The following NXPH4 variants were observed in gnomAD, a reference collection of about 807,000 sequenced individuals.
NXPH4 encodes the protein neurexophilin 4, also known as neurexophilin-4.
A neutral mutation model predicts 21.3 loss-of-function variants in NXPH4; 8 were observed. That is an observed-to-expected ratio of 0.38 (90% CI 0.22 to 0.68). The LOEUF (loss-of-function observed/expected upper bound fraction) is 0.68, where lower values mean the gene tolerates loss of function less well. Among genes scored for constraint, NXPH4 ranks in the 30% least tolerant of loss-of-function variants. NXPH4 has a pLI of 0.53. For missense variants in NXPH4, 418 were observed against 416.8 expected (o/e 1.00, Z -0.03); for synonymous variants, 219 against 192.6 (o/e 1.14, Z -1.13).
In NXPH4 at chr12:57,224,937, C is replaced by G; in HGVS notation, c.117C>G (p.Ala39=). The change falls in exon 2 of 2, where the codon GCC becomes GCG. Residue 39 remains alanine, a synonymous_variant. Transcript: ENST00000349394. ...GRPQYLGLRP[A]AAGAGAPGQQ... is the part of the protein sequence containing the mutation. ...CGCAGTACCTGGGGCTGCGCCCCGC[C>G]GCGGCCGGAGCGGGTGCCCCCGGCC... is the stretch of plus-strand genomic sequence containing the variant. 1 of 1,381,378 alleles carries G rather than the reference C, an allele frequency of 7.2e-7. No homozygotes were observed. Among genetic ancestry groups the G allele is most frequent in the Non-Finnish European group, 9.4e-7 (1 of 1,059,970 alleles). The allele number at this position is 1,381,378 out of a possible 1,614,324, so 85.6% of individuals were successfully genotyped here. A position where few individuals can be genotyped will look rare whatever the true frequency, so the allele number is the denominator to read the frequency against.
In NXPH4 at chr12:57,225,669, C is replaced by T. The variant is rs1362404734; in HGVS notation, c.849C>T (p.Phe283=). 3 of 1,613,816 alleles carry T rather than the reference C, an allele frequency of 1.9e-6. No individual in the cohort carries two copies. The African/African-American group carries it at 4.0e-5, about 22-fold the overall frequency. ...PFKVICIFVS[F]LSFDYKLVQK... is the part of the protein sequence containing the mutation. ...AAGTCATCTGTATCTTCGTCTCTTT[C>T]CTCAGCTTTGACTACAAACTGGTGC... The change falls in exon 2 of 2, where the codon TTC becomes TTT. Residue 283 remains phenylalanine, a synonymous_variant. Coordinates refer to ENST00000349394, the MANE Select transcript of NXPH4 (RefSeq NM_007224.4).
At chr12:57,220,953 T>G (rs533959300) in intron 1 of NXPH4, among the ~76,000 whole-genome samples, 16 of 151,284 alleles carry the variant, frequency 1.1e-4, no homozygotes, top group Non-Finnish European at 2.4e-4. Flanking sequence ...CCCATGCTGC[T>G]TCCTGGACTG....
Position 57,225,660 on chromosome 12 carries a change from C to CTTTCCTCAGCTTT in NXPH4, c.840_841insTTTCCTCAGCTTT (p.Val281PhefsTer11). The stretch of plus-strand genomic sequence containing the variant: ...AGCCCTTCAAAGTCATCTGTATCTT[C>CTTTCCTCAGCTTT]GTCTCTTTCCTCAGCTTTGACTACA... On this transcript the variant is annotated frameshift_variant, in exon 2 of 2. Transcript: ENST00000349394. LOFTEE classifies it high-confidence loss of function. The CTTTCCTCAGCTTT allele has an allele frequency of 6.2e-7, 1 of 1,613,884 alleles. No individual in the cohort carries two copies. Among genetic ancestry groups the CTTTCCTCAGCTTT allele is most frequent in the East Asian group, 2.2e-5 (1 of 44,882 alleles).
chr12:57,224,009 G>A (rs779512941), intron 1 of NXPH4, among the ~76,000 whole-genome samples: 1 of 152,262 alleles, frequency 6.6e-6, no homozygotes, highest in Non-Finnish European at 1.5e-5. Flanking sequence ...CTGCTCAACT[G>A]GTTCCCAGCA....
Position 57,226,109 on chromosome 12 carries a change from C to G in NXPH4, c.*362C>G. ...TCCCCGCAGCTTTAATAACTCCTGG[C>G]CTGGCACCCTCACCCCACCCTGACT... On this transcript the variant is annotated 3_prime_UTR_variant, in exon 2 of 2. Transcript: ENST00000349394. 2.1e-6 allele frequency: 1 copy of G among 484,316 alleles called. No homozygotes were observed. The highest frequency in any genetic ancestry group is 3.1e-5 in the East Asian group (1 of 31,850). The allele number at this position is 484,316 out of a possible 1,614,324, so 30.0% of individuals were successfully genotyped here. A position where few individuals can be genotyped will look rare whatever the true frequency, so the allele number is the denominator to read the frequency against.
intron 1 of NXPH4, chr12:57,221,434 G>T (rs1391476744): frequency 6.8e-6 from 3 of 442,114 alleles, no homozygotes; most frequent in African/African-American, 4.0e-5. Flanking sequence ...GCGGCTGGGG[G>T]GCTGACAGCC....
chr12:57,222,796 G>C (rs2037104012), intron 1 of NXPH4, among the ~76,000 whole-genome samples: 1 of 152,146 alleles, frequency 6.6e-6, no homozygotes, highest in Non-Finnish European at 1.5e-5. Flanking sequence ...CATTCTTGCT[G>C]CCCCCGCCCC....
intron 1 of NXPH4, among the ~76,000 whole-genome samples, chr12:57,224,253 A>G (rs991776771): frequency 3.3e-5 from 5 of 151,782 alleles, no homozygotes; most frequent in African/African-American, 7.3e-5. Flanking sequence ...AGCCTCCCCA[A>G]TAGCTGGGAC....
At chr12:57,223,063 A>G (rs1239455912) in intron 1 of NXPH4, among the ~76,000 whole-genome samples, 1 of 152,116 alleles carries the variant, frequency 6.6e-6, no homozygotes, top group East Asian at 1.9e-4. Context: ...CCCACAGCAC[A>G]GCCTGTGGGC....
chr12:57,223,114 G>A (rs2037107961), intron 1 of NXPH4, among the ~76,000 whole-genome samples: 1 of 152,092 alleles, frequency 6.6e-6, no homozygotes, highest in Non-Finnish European at 1.5e-5. Context: ...AGATACAATT[G>A]ACATGCATGT....
rs765273679 is a variant in NXPH4, at chr12:57,225,777, C to T, written c.*30C>T. 2 of 1,589,184 alleles carry T rather than the reference C, an allele frequency of 1.3e-6. No individual in the cohort carries two copies. Among genetic ancestry groups the T allele is most frequent in the African/African-American group, 1.3e-5 (1 of 74,462 alleles). ...CCTCCCCAGCCAGTCCTGAGCCTCC[C>T]GCCAAATCCCAGCCTCACTAGGTGG... On this transcript the variant is annotated 3_prime_UTR_variant, in exon 2 of 2. Coordinates refer to ENST00000349394, the MANE Select transcript of NXPH4 (RefSeq NM_007224.4).
intron 1 of NXPH4, among the ~76,000 whole-genome samples, chr12:57,222,696 C>T (rs2037103103): frequency 6.6e-6 from 1 of 152,114 alleles, no homozygotes; most frequent in South Asian, 2.1e-4. Flanking sequence ...TTCTCCCTCC[C>T]ACTGTACCCT....
chr12:57,222,905 C>T (rs959355011), intron 1 of NXPH4, among the ~76,000 whole-genome samples: 3 of 152,170 alleles, frequency 2.0e-5, no homozygotes, highest in East Asian at 1.9e-4. Flanking sequence ...AACCCGGGAT[C>T]GCAGCGTGGC....
intron 1 of NXPH4, among the ~76,000 whole-genome samples, chr12:57,219,010 C>A (rs2037065023): frequency 6.6e-6 from 1 of 151,938 alleles, no homozygotes; most frequent in South Asian, 2.1e-4. Context: ...TTTGAGTGTG[C>A]TATGAGATTG....
intron 1 of NXPH4, chr12:57,221,420 C>A: frequency 2.2e-6 from 1 of 449,294 alleles, no homozygotes; most frequent in Non-Finnish European, 4.5e-6. Context: ...GTGCACCCTG[C>A]AATGCGGCTG....
At chr12:57,219,544 C>A (rs2037070049) in intron 1 of NXPH4, among the ~76,000 whole-genome samples, 1 of 152,172 alleles carries the variant, frequency 6.6e-6, no homozygotes, top group African/African-American at 2.4e-5. Flanking sequence ...AGGATTAGGT[C>A]TGATTCTCTT....
chr12:57,225,971 A>G lies in NXPH4; in HGVS notation c.*224A>G. On this transcript the variant is annotated 3_prime_UTR_variant, in exon 2 of 2. Coordinates refer to ENST00000349394, the MANE Select transcript of NXPH4 (RefSeq NM_007224.4). ...GCCCCCTCCAGTACACCCCAAAGTGAAAGGGATAAGAGTGCAGCCCCAGAA... is the reference window on the plus strand; with the variant it reads ...GCCCCCTCCAGTACACCCCAAAGTGGAAGGGATAAGAGTGCAGCCCCAGAA... 2 of 1,413,100 alleles carry G rather than the reference A, an allele frequency of 1.4e-6. No individual in the cohort carries two copies. Among genetic ancestry groups the G allele is most frequent in the Non-Finnish European group, 1.8e-6 (2 of 1,082,216 alleles). 87.5% of individuals were successfully genotyped at this position (1,413,100 alleles called of 1,614,324 possible). A position where few individuals can be genotyped will look rare whatever the true frequency, so the allele number is the denominator to read the frequency against.
chr12:57,219,095 A>T (rs1484082744), intron 1 of NXPH4, among the ~76,000 whole-genome samples: 2 of 152,108 alleles, frequency 1.3e-5, no homozygotes, highest in African/African-American at 2.4e-5. Flanking sequence ...TGGTGCCAGC[A>T]CTGGGAGTGG....
intron 1 of NXPH4, among the ~76,000 whole-genome samples, chr12:57,217,705 T>C (rs2037054022): frequency 6.6e-6 from 1 of 152,194 alleles, no homozygotes. Context: ...CCAAGGCCTC[T>C]TTCCCTGAGG....
Sources: gnomAD v4.1 joint callset for allele counts (sites outside exome capture counted in the v4.1 genomes callset) on GRCh38, gnomAD v4.1.1 for gene constraint, MANE v1.5 for transcripts, NCBI Gene and HGNC (gene_info 2026-07-23, HGNC 2026-07-21) for gene names.